MARCHF1: variants seen among roughly 807,000 people sequenced by gnomAD.
MARCHF1 encodes E3 ubiquitin-protein ligase MARCHF1.
MARCHF1 carries 40 observed loss-of-function variants against 54.2 expected under a neutral mutation model. That is an observed-to-expected ratio of 0.74 (90% CI 0.57 to 0.96). The LOEUF is 0.96. Ranked by LOEUF, MARCHF1 falls within the 40% of genes least tolerant of loss-of-function variation. MARCHF1 has a pLI of 0.00. For synonymous variants in MARCHF1, 236 were observed against 236.3 expected (o/e 1.00, Z 0.01); for missense variants, 586 against 656.5 (o/e 0.89, Z 1.17).
chr4:163,919,778 G>A (rs1751384246), intron 3 of MARCHF1, among the ~76,000 whole-genome samples: 1 of 151,996 alleles, frequency 6.6e-6, no homozygotes, highest in South Asian at 2.1e-4. Context: ...ACAGTATCTT[G>A]GACTAACAAA....
At chr4:164,257,562 G>A (rs1733327511) in intron 1 of MARCHF1, among the ~76,000 whole-genome samples, 1 of 150,778 alleles carries the variant, frequency 6.6e-6, no homozygotes, top group Non-Finnish European at 1.5e-5. Context: ...AAAAACCATG[G>A]GATAGTGATA....
chr4:163,899,572 G>T (rs1750892280), intron 3 of MARCHF1, among the ~76,000 whole-genome samples: 1 of 151,860 alleles, frequency 6.6e-6, no homozygotes, highest in Non-Finnish European at 1.5e-5. Flanking sequence ...TTTCTTCTTG[G>T]CTGATATCAA....
At chr4:164,338,711 G>T (rs1729829789) in intron 1 of MARCHF1, among the ~76,000 whole-genome samples, 1 of 152,188 alleles carries the variant, frequency 6.6e-6, no homozygotes, top group Non-Finnish European at 1.5e-5. Flanking sequence ...GGTGGCTCAT[G>T]CCTGTAATCC....
At chr4:163,969,633 G>A (rs1369255940) in intron 3 of MARCHF1, among the ~76,000 whole-genome samples, 2 of 152,104 alleles carry the variant, frequency 1.3e-5, no homozygotes, top group Non-Finnish European at 2.9e-5. Context: ...AGTCCATCTG[G>A]ATGGGCAACA....
chr4:164,341,756 A>T (rs1442700422), intron 1 of MARCHF1, among the ~76,000 whole-genome samples: 1 of 152,192 alleles, frequency 6.6e-6, no homozygotes, highest in Non-Finnish European at 1.5e-5. Context: ...ACATCCTAAT[A>T]CATACCATCA....
chr4:163,808,548 C>T (rs1192127920), intron 4 of MARCHF1, among the ~76,000 whole-genome samples: 1 of 152,074 alleles, frequency 6.6e-6, no homozygotes, highest in Admixed American at 6.6e-5. Context: ...GGGAAAGACA[C>T]ATGAAAATGC....
chr4:164,113,530 G>T (rs1414767209), intron 1 of MARCHF1, among the ~76,000 whole-genome samples: 1 of 152,010 alleles, frequency 6.6e-6, no homozygotes, highest in African/African-American at 2.4e-5. Context: ...GGGGAAAGGA[G>T]GGAGCTCTAA....
intron 2 of MARCHF1, among the ~76,000 whole-genome samples, chr4:164,081,915 A>C (rs1755109664): frequency 6.6e-6 from 1 of 152,132 alleles, no homozygotes; most frequent in South Asian, 2.1e-4. Flanking sequence ...AGTCATCTTG[A>C]CTAAGAAGAC....
intron 4 of MARCHF1, among the ~76,000 whole-genome samples, chr4:163,778,314 T>C (rs892850164): frequency 2.0e-5 from 3 of 152,218 alleles, no homozygotes; most frequent in South Asian, 2.1e-4. Context: ...GTGATAAATA[T>C]ATATTTGACT....
At position 164,157,278 on chromosome 4, in the gene MARCHF1, T is replaced by C. The variant is rs569527418; in HGVS notation, c.-322-45616A>G. Among the ~76,000 whole-genome samples the C allele has an allele frequency of 4.6e-5, 7 of 152,198 alleles. No homozygotes were observed. In the East Asian group the frequency reaches 1.4e-3, roughly 29 times the overall value. On this transcript the variant is annotated intron_variant, in intron 1 of 9. Coordinates refer to ENST00000514618, the MANE Select transcript of MARCHF1 (RefSeq NM_001394959.1). Reference sequence around the variant, plus strand: ...AAAATTAGCACATTGGAAAGTATAGTTCTTTAAACTGATGTTAAGATAACT... The same window carrying C: ...AAAATTAGCACATTGGAAAGTATAGCTCTTTAAACTGATGTTAAGATAACT...
At chr4:164,300,049 A>C (rs1734510255) in intron 1 of MARCHF1, among the ~76,000 whole-genome samples, 1 of 152,146 alleles carries the variant, frequency 6.6e-6, no homozygotes, top group African/African-American at 2.4e-5. Flanking sequence ...GGGACCTGTA[A>C]ATAACAGTAA....
chr4:164,011,687 G>C (rs969860981), intron 2 of MARCHF1, among the ~76,000 whole-genome samples: 2 of 152,182 alleles, frequency 1.3e-5, no homozygotes, highest in Admixed American at 6.5e-5. Context: ...ATGTAAATTA[G>C]TACAGCTATT....
intron 5 of MARCHF1, among the ~76,000 whole-genome samples, chr4:163,659,678 G>C (rs572163649): frequency 6.6e-6 from 1 of 151,640 alleles, no homozygotes; most frequent in Non-Finnish European, 1.5e-5. Context: ...AATATCCAGA[G>C]TCTACAAGGA....
At chr4:163,881,129 G>A (rs1307373277) in intron 3 of MARCHF1, among the ~76,000 whole-genome samples, 1 of 152,098 alleles carries the variant, frequency 6.6e-6, no homozygotes, top group African/African-American at 2.4e-5. Flanking sequence ...TCACATCCAG[G>A]TGCACATTTA....
chr4:163,646,323 A>C (rs1381749444), intron 5 of MARCHF1, among the ~76,000 whole-genome samples: 1 of 152,084 alleles, frequency 6.6e-6, no homozygotes. Context: ...AGAGGTAAAG[A>C]CTTTCCTAGA....
At chr4:163,861,038 T>G (rs1284802782) in intron 3 of MARCHF1, among the ~76,000 whole-genome samples, 2 of 152,204 alleles carry the variant, frequency 1.3e-5, no homozygotes, top group East Asian at 3.8e-4. Flanking sequence ...TATCTATGAT[T>G]AATATATTAA....
intron 1 of MARCHF1, among the ~76,000 whole-genome samples, chr4:164,112,434 G>A (rs570830059): frequency 4.6e-5 from 7 of 151,874 alleles, no homozygotes; most frequent in African/African-American, 1.7e-4. Context: ...TTTTCTGCAT[G>A]TAGAATGATC....
chr4:163,846,267 C>G (rs1257149737), intron 4 of MARCHF1, among the ~76,000 whole-genome samples: 1 of 152,176 alleles, frequency 6.6e-6, no homozygotes, highest in Admixed American at 6.5e-5. Context: ...AACTGGCCCA[C>G]TTGCTCAGAG....
At chr4:164,197,319 C>T in intron 1 of MARCHF1, 2 of 1,612,182 alleles carry the variant, frequency 1.2e-6, no homozygotes, top group Middle Eastern at 3.3e-4. Flanking sequence ...GAAGCTTGAA[C>T]ACGTTTTCTC....
Sources: gnomAD v4.1 joint callset for allele counts (sites outside exome capture counted in the v4.1 genomes callset) on GRCh38, gnomAD v4.1.1 for gene constraint, MANE v1.5 for transcripts, NCBI Gene and HGNC (gene_info 2026-07-23, HGNC 2026-07-21) for gene names.